The following PRSS23 variants were observed in gnomAD, a reference collection of about 807,000 sequenced individuals.
PRSS23 encodes serine protease 23, also known as protease, serine 23.
A neutral mutation model predicts 34.7 loss-of-function variants in PRSS23; 25 were observed. That is an observed-to-expected ratio of 0.72 (90% CI 0.53 to 1.01). PRSS23 has a LOEUF of 1.01. Ranked by LOEUF, PRSS23 falls within the 50% of genes least tolerant of loss-of-function variation. The probability of loss-of-function intolerance (pLI) is 0.00; values close to 1 mark genes in which losing one functional copy is unlikely to be tolerated. For synonymous variants in PRSS23, 176 were observed against 186.6 expected, an observed-to-expected ratio of 0.94 and a Z score of 0.46; for missense variants, 445 against 475.6, an observed-to-expected ratio of 0.94 and a Z score of 0.60.
chr11:86,873,211 CACACAG>C lies in PRSS23; in HGVS notation c.206+49620_206+49625del, dbSNP rs1301420258. On this transcript the variant is annotated intron_variant, in intron 2 of 2. Transcript: ENST00000533902. Reference sequence around the variant, plus strand: ...ATACATATATATACACACACACACACACACAGATATATGTATATATATATACACACA... The same window carrying C: ...ATACATATATATACACACACACACACATATATGTATATATATATACACACA... Among the ~76,000 whole-genome samples the C allele has an allele frequency of 8.9e-3, 1,169 of 131,962 alleles. 20 individuals carry two copies. The highest frequency in any genetic ancestry group is 0.034 in the African/African-American group (1,099 of 32,380). 86.6% of individuals were successfully genotyped at this position (131,962 alleles called of 152,430 possible).
chr11:86,844,219 A>T (rs955494723), intron 2 of PRSS23, among the ~76,000 whole-genome samples: 5 of 152,228 alleles, frequency 3.3e-5, no homozygotes, highest in African/African-American at 1.2e-4. Context: ...CAATGAGAAC[A>T]CATGAACAAA....
intron 2 of PRSS23, chr11:86,833,191 C>G (rs200575232): frequency 6.0e-6 from 7 of 1,159,084 alleles, no homozygotes; most frequent in African/African-American, 3.0e-5. Flanking sequence ...GGAGATGACT[C>G]TGCTGTGAGA....
At chr11:86,873,197 T>TACAC (rs111989090) in intron 2 of PRSS23, among the ~76,000 whole-genome samples, 4 of 135,094 alleles carry the variant, frequency 3.0e-5, no homozygotes, top group Admixed American at 2.3e-4. Context: ...TACATATATA[T>TACAC]ACACACACAC....
At chr11:86,864,304 A>T (rs966784901) in intron 2 of PRSS23, among the ~76,000 whole-genome samples, 1 of 152,170 alleles carries the variant, frequency 6.6e-6, no homozygotes, top group Admixed American at 6.5e-5. Context: ...TAGTCGAGGC[A>T]GTGCTGGAAA....
At chr11:86,878,911 C>A (rs1442322635) in intron 2 of PRSS23, among the ~76,000 whole-genome samples, 1 of 142,036 alleles carries the variant, frequency 7.0e-6, no homozygotes, top group Non-Finnish European at 1.5e-5. Flanking sequence ...CGTCTCTGCC[C>A]GGCCGCCATC....
chr11:86,798,144 A>C (rs1947993287), upstream of PRSS23, among the ~76,000 whole-genome samples: 1 of 152,052 alleles, frequency 6.6e-6, no homozygotes, highest in South Asian at 2.1e-4. Context: ...TTCCTCTATT[A>C]AGATACTTAC....
At chr11:86,883,048 T>G (rs1452392969) in intron 2 of PRSS23, among the ~76,000 whole-genome samples, 1 of 152,228 alleles carries the variant, frequency 6.6e-6, no homozygotes, top group Non-Finnish European at 1.5e-5. Context: ...TTTAATGGTG[T>G]TGTTTGTTTC....
chr11:86,814,851 C>G (rs1948204220), downstream of PRSS23, among the ~76,000 whole-genome samples: 1 of 152,174 alleles, frequency 6.6e-6, no homozygotes. Flanking sequence ...CCCCTCCTGC[C>G]TGGACCAATG....
At chr11:86,828,662 C>T (rs1948324068) in intron 2 of PRSS23, among the ~76,000 whole-genome samples, 1 of 152,054 alleles carries the variant, frequency 6.6e-6, no homozygotes, top group Non-Finnish European at 1.5e-5. Flanking sequence ...TTAGTGCTTC[C>T]TTCAGGAGCT....
At chr11:86,911,010 A>G (rs1948973429) in intron 2 of PRSS23, 1 of 152,176 alleles carries the variant, frequency 6.6e-6, no homozygotes, top group African/African-American at 2.4e-5. Flanking sequence ...TATAATAAGA[A>G]GTAAAAATAA....
rs561200465 is a variant in PRSS23 at position 86,897,987 on chromosome 11, C to G, written c.207-53229C>G. 2.0e-5 allele frequency among the ~76,000 whole-genome samples: 3 copies of G among 152,328 alleles called. No homozygotes were observed. In the East Asian group the frequency reaches 5.8e-4, roughly 29 times the overall value. ...TGGAGAAGATAGATAGATCTAGACT[C>G]TACTTCGAATCAGATGCTAGTAAGT... is the stretch of plus-strand genomic sequence containing the variant. On this transcript the variant is annotated intron_variant, in intron 2 of 2. Coordinates refer to the PRSS23 transcript ENST00000533902.
At position 86,808,104 on chromosome 11, in the gene PRSS23, T is replaced by A. The variant is rs1948127070; in HGVS notation, c.461T>A (p.Val154Glu). The change falls in exon 2 of 2, where the codon GTG becomes GAG. Residue 154 changes from valine to glutamate, a missense_variant. Transcript: ENST00000280258. ...FLLNYPFSTS[V>E]KLSTGCTGTL... ...CTCAACTACCCTTTCTCAACATCAG[T>A]GAAGTTATCCACGGGCTGCACCGGC... The A allele has an allele frequency of 6.2e-7, 1 of 1,613,932 alleles. No homozygotes were observed. Among genetic ancestry groups the A allele is most frequent in the South Asian group, 1.1e-5 (1 of 91,078 alleles).
At chr11:86,830,933 G>T (rs139347147) in intron 2 of PRSS23, among the ~76,000 whole-genome samples, 1 of 151,884 alleles carries the variant, frequency 6.6e-6, no homozygotes, top group Non-Finnish European at 1.5e-5. Context: ...AAGTCACAGG[G>T]GGTTTACAAA....
At chr11:86,899,853 C>T (rs1948899807) in intron 2 of PRSS23, among the ~76,000 whole-genome samples, 2 of 151,828 alleles carry the variant, frequency 1.3e-5, no homozygotes, top group Middle Eastern at 3.2e-3. Context: ...AAAATACTAC[C>T]CCAAGGGAGG....
chr11:86,893,762 T>G (rs954519919), intron 2 of PRSS23, among the ~76,000 whole-genome samples: 7 of 152,208 alleles, frequency 4.6e-5, no homozygotes, highest in African/African-American at 1.7e-4. Flanking sequence ...GTAAATTATT[T>G]ACTCTCATAC....
At chr11:86,858,116 T>A (rs1948585646) in intron 2 of PRSS23, among the ~76,000 whole-genome samples, 1 of 151,932 alleles carries the variant, frequency 6.6e-6, no homozygotes, top group African/African-American at 2.4e-5. Flanking sequence ...TCAGAAACTG[T>A]ACACCCCTGC....
chr11:86,805,903 C>G (rs1346487586), intron 1 of PRSS23, among the ~76,000 whole-genome samples: 1 of 152,166 alleles, frequency 6.6e-6, no homozygotes, highest in African/African-American at 2.4e-5. Flanking sequence ...CTGCTGTGTT[C>G]CCAGAGCCTC....
chr11:86,861,046 C>T (rs1010990867), intron 2 of PRSS23, among the ~76,000 whole-genome samples: 4 of 151,624 alleles, frequency 2.6e-5, no homozygotes, highest in Admixed American at 2.0e-4. Context: ...GGTGTACATC[C>T]CTCTGTCACA....
rs770752287 is a variant in PRSS23 at position 86,808,356 on chromosome 11, CCAATGA to C, written c.716_721del (p.Asn239_Asp240del). 10 of 1,614,172 alleles carry C rather than the reference CCAATGA, an allele frequency of 6.2e-6. No homozygotes were observed. The South Asian group carries it at 1.1e-4, about 18-fold the overall frequency. ...CCCAAGGGTTGGATCAAGGGCAATG[CCAATGA>C]CATCGGCATGGATTATGATTATGCC... On this transcript the variant is annotated inframe_deletion, in exon 2 of 2. Coordinates refer to ENST00000280258, the MANE Select transcript of PRSS23 (RefSeq NM_007173.6).
Sources: allele counts gnomAD v4.1 joint callset (sites outside exome capture counted in the v4.1 genomes callset), GRCh38; gene constraint gnomAD v4.1.1; transcripts MANE v1.5; gene names NCBI Gene and HGNC (gene_info 2026-07-23, HGNC 2026-07-21).